CCDC102B: variants seen among roughly 807,000 people sequenced by gnomAD.
The protein encoded by CCDC102B is coiled-coil domain containing 102B, also known as coiled-coil domain-containing protein 102B.
CCDC102B carries 75 observed loss-of-function variants against 57.4 expected under a neutral mutation model. The ratio of observed to expected loss-of-function variants is 1.31; its 90% CI spans 1.08 to 1.58. The LOEUF (loss-of-function observed/expected upper bound fraction) is 1.58, where lower values mean the gene tolerates loss of function less well. Among genes scored for constraint, CCDC102B ranks in the 40% most tolerant of loss-of-function variants. CCDC102B has a pLI of 0.00. For synonymous variants in CCDC102B, 206 were observed against 201.9 expected, an observed-to-expected ratio of 1.02 and a Z score of -0.17; for missense variants, 636 against 582.6, an observed-to-expected ratio of 1.09 and a Z score of -0.94.
At chr18:68,891,897 G>T (rs1470280053) in intron 5 of CCDC102B, among the ~76,000 whole-genome samples, 1 of 152,076 alleles carries the variant, frequency 6.6e-6, no homozygotes, top group Admixed American at 6.6e-5. Context: ...AATATTGGGG[G>T]GTACACAATT....
chr18:68,885,297 C>G (rs1354996789), intron 5 of CCDC102B, among the ~76,000 whole-genome samples: 1 of 151,786 alleles, frequency 6.6e-6, no homozygotes, highest in Non-Finnish European at 1.5e-5. Flanking sequence ...AATTAGTCCC[C>G]CAAATTCAGA....
intron 6 of CCDC102B, among the ~76,000 whole-genome samples, chr18:68,944,462 T>C (rs755330144): frequency 2.7e-5 from 4 of 150,780 alleles, no homozygotes; most frequent in Non-Finnish European, 4.4e-5. Context: ...AGGAGTCTGA[T>C]GAGGGCCTGC....
intron 1 of CCDC102B, among the ~76,000 whole-genome samples, chr18:68,803,013 G>C (rs9962825): frequency 6.6e-6 from 1 of 152,280 alleles, no homozygotes; most frequent in South Asian, 2.1e-4. Context: ...AATTATTTAA[G>C]TACTTGGAAG....
chr18:68,756,404 A>G (rs2034052372), intron 2 of CCDC102B, among the ~76,000 whole-genome samples: 1 of 152,214 alleles, frequency 6.6e-6, no homozygotes, highest in South Asian at 2.1e-4. Context: ...GATAAGGAAG[A>G]GATTCAATAA....
At chr18:68,812,122 A>C (rs774355623) in intron 1 of CCDC102B, among the ~76,000 whole-genome samples, 2 of 152,160 alleles carry the variant, frequency 1.3e-5, no homozygotes, top group Non-Finnish European at 2.9e-5. Flanking sequence ...TTGAAATAAA[A>C]ACCTTGCTAA....
intron 2 of CCDC102B, among the ~76,000 whole-genome samples, chr18:68,779,782 ATAGCT>A (rs986066817): frequency 4.6e-5 from 7 of 152,086 alleles, no homozygotes; most frequent in African/African-American, 1.7e-4. Context: ...AGGAGCTCTG[ATAGCT>A]TAGGCAAACT....
chr18:68,936,843 A>G (rs1210686439), intron 6 of CCDC102B, among the ~76,000 whole-genome samples: 1 of 150,728 alleles, frequency 6.6e-6, no homozygotes, highest in African/African-American at 2.4e-5. Context: ...ATATACATAT[A>G]TAATATATAT....
chr18:68,825,938 C>A (rs1019787975), intron 1 of CCDC102B, among the ~76,000 whole-genome samples: 1 of 152,084 alleles, frequency 6.6e-6, no homozygotes, highest in Non-Finnish European at 1.5e-5. Context: ...GTTAAAGGCA[C>A]CATTTAATGT....
intron 5 of CCDC102B, among the ~76,000 whole-genome samples, chr18:68,895,411 A>T (rs530814807): frequency 1.3e-5 from 2 of 151,896 alleles, no homozygotes; most frequent in South Asian, 4.1e-4. Flanking sequence ...ATTTATTATG[A>T]TACTATAAAG....
At chr18:68,891,233 T>A (rs2040067280) in intron 5 of CCDC102B, among the ~76,000 whole-genome samples, 2 of 152,236 alleles carry the variant, frequency 1.3e-5, no homozygotes, top group Non-Finnish European at 2.9e-5. Context: ...CTTTTTGCTC[T>A]GAACATCTAT....
At chr18:69,043,885 T>C (rs1568146090) in intron 7 of CCDC102B, among the ~76,000 whole-genome samples, 1 of 152,120 alleles carries the variant, frequency 6.6e-6, no homozygotes, top group African/African-American at 2.4e-5. Flanking sequence ...CCCAGTTGTT[T>C]TCAGATTTTA....
chr18:68,780,470 GT>G (rs35742450), intron 2 of CCDC102B, among the ~76,000 whole-genome samples: 75,932 of 139,748 alleles, frequency 0.54, 19,584 homozygotes, highest in East Asian at 0.81. Context: ...ATCAACACTT[GT>G]TTTTTTTTTT....
At chr18:68,931,499 G>A (rs910005389) in intron 6 of CCDC102B, among the ~76,000 whole-genome samples, 1 of 151,372 alleles carries the variant, frequency 6.6e-6, no homozygotes, top group African/African-American at 2.4e-5. Flanking sequence ...TCGGTTGGGG[G>A]GTGTGAGAGG....
chr18:68,730,826 C>T lies in CCDC102B; in HGVS notation c.-67+14232C>T, dbSNP rs374853727. On this transcript the variant is annotated intron_variant, in intron 2 of 3. Transcript: ENST00000578970. ...ATGTATTTAATACTGAACTGTATTC[C>T]GCATCCTGTATCAATATAAGAAAGG... 1.2e-4 allele frequency among the ~76,000 whole-genome samples: 18 copies of T among 152,118 alleles called. 1 individual carries two copies. In the East Asian group the frequency reaches 1.5e-3, roughly 13 times the overall value.
intron 1 of CCDC102B, among the ~76,000 whole-genome samples, chr18:68,835,581 A>G (rs1200930214): frequency 6.6e-6 from 1 of 152,216 alleles, no homozygotes; most frequent in Non-Finnish European, 1.5e-5. Context: ...TTCATGTAGA[A>G]GTTAGATGTG....
Position 69,054,424 on chromosome 18 carries a change from C to T in CCDC102B, c.*287C>T, listed in dbSNP as rs2052780446. 8 of 1,065,552 alleles carry T rather than the reference C, an allele frequency of 7.5e-6. No individual in the cohort carries two copies. Among genetic ancestry groups the T allele is most frequent in the Non-Finnish European group, 9.1e-6 (8 of 882,868 alleles). 66.0% of individuals were successfully genotyped at this position (1,065,552 alleles called of 1,614,324 possible). ...TTTCAGAATACTTTTTACATAAAAT[C>T]TGAAAGAGTTATAATATCGGTAAGA... is the stretch of plus-strand genomic sequence containing the variant. On this transcript the variant is annotated 3_prime_UTR_variant, in exon 8 of 8. Coordinates refer to ENST00000360242, the MANE Select transcript of CCDC102B (RefSeq NM_024781.3).
intron 2 of CCDC102B, among the ~76,000 whole-genome samples, chr18:68,728,811 C>T (rs1458573814): frequency 6.6e-6 from 1 of 152,010 alleles, no homozygotes; most frequent in Admixed American, 6.6e-5. Flanking sequence ...AATATTACCA[C>T]ACCTATTAAA....
intron 6 of CCDC102B, among the ~76,000 whole-genome samples, chr18:68,926,947 A>G (rs559387608): frequency 2.1e-4 from 32 of 152,122 alleles, no homozygotes; most frequent in African/African-American, 7.7e-4. Flanking sequence ...ATAGATAAAA[A>G]TGTTAGCTGA....
intron 2 of CCDC102B, among the ~76,000 whole-genome samples, chr18:68,791,197 G>A (rs548074365): frequency 2.0e-5 from 3 of 152,160 alleles, no homozygotes; most frequent in Non-Finnish European, 2.9e-5. Flanking sequence ...CAAATAGTTC[G>A]AGTTTACAGA....
Sources: allele counts gnomAD v4.1 joint callset (sites outside exome capture counted in the v4.1 genomes callset), GRCh38; gene constraint gnomAD v4.1.1; transcripts MANE v1.5; gene names NCBI Gene and HGNC (gene_info 2026-07-23, HGNC 2026-07-21).